Variants in PPARGC1B observed in about 807,000 individuals in gnomAD.
PPARGC1B encodes the protein PPARG coactivator 1 beta, also known as peroxisome proliferator-activated receptor gamma coactivator 1-beta.
In PPARGC1B, 34 loss-of-function variants were observed where a neutral mutation model predicts 101.6. The ratio of observed to expected loss-of-function variants is 0.33; its 90% CI spans 0.25 to 0.45. The LOEUF (loss-of-function observed/expected upper bound fraction) is 0.45, where lower values mean the gene tolerates loss of function less well. Among genes scored for constraint, PPARGC1B ranks in the 20% least tolerant of loss-of-function variants. PPARGC1B has a pLI of 1.00. For missense variants in PPARGC1B, 1,234 were observed against 1,317.6 expected (o/e 0.94, Z 0.98); for synonymous variants, 548 against 539.3 (o/e 1.02, Z -0.22).
rs139222786 is a variant in PPARGC1B, at chr5:149,832,410, G to C, written c.583-246G>C. ...GGGGCTTTGTCAGTGAATCTGGAAG[G>C]GTCTGCAGGGGCGAAATTCCATGGC... On this transcript the variant is annotated intron_variant, in intron 4 of 11. Coordinates refer to ENST00000309241, the MANE Select transcript of PPARGC1B (RefSeq NM_133263.4). The surrounding 1 kb of genome is among the most constrained non-coding windows in gnomAD (Gnocchi z 4.9). 1.4e-3 allele frequency among the ~76,000 whole-genome samples: 217 copies of C among 152,262 alleles called. No individual in the cohort carries two copies. The highest frequency in any genetic ancestry group is 5.1e-3 in the African/African-American group (213 of 41,546).
chr5:149,731,225 C>G (rs1754452498), intron 1 of PPARGC1B, among the ~76,000 whole-genome samples: 1 of 152,150 alleles, frequency 6.6e-6, no homozygotes, highest in Non-Finnish European at 1.5e-5. Context: ...GGAGAGGGTG[C>G]TCTGGTGTGC....
chr5:149,822,628 C>T (rs557485468), intron 2 of PPARGC1B, among the ~76,000 whole-genome samples: 16 of 152,360 alleles, frequency 1.1e-4, no homozygotes, highest in African/African-American at 2.4e-4. Flanking sequence ...ATGAATCCTT[C>T]GACACGCAGC....
intron 1 of PPARGC1B, among the ~76,000 whole-genome samples, chr5:149,799,869 T>C (rs1561554338): frequency 2.0e-5 from 3 of 151,830 alleles, no homozygotes; most frequent in Non-Finnish European, 2.9e-5. Context: ...GGCTAATTTT[T>C]GCATTTTTTA....
chr5:149,840,058 C>A lies in PPARGC1B; in HGVS notation c.2636C>A (p.Pro879Gln), dbSNP rs762919724. Residue 879 changes from proline (P) to glutamine (Q), a missense_variant, in exon 9 of 12, where the codon CCG becomes CAG. This residue lies in a region of PPARGC1B where 497 missense variants were observed against 529.5 expected (regional missense o/e 0.94). Coordinates refer to ENST00000309241, the MANE Select transcript of PPARGC1B (RefSeq NM_133263.4). Reference sequence around the variant, plus strand: ...ACTGACAGATGTGAGAGCAGAGGGCCGTGTTCAGACAGAACGCCAAGCATC... The same window carrying A: ...ACTGACAGATGTGAGAGCAGAGGGCAGTGTTCAGACAGAACGCCAAGCATC... The part of the protein sequence containing the change: ...RRNFRCESRG[P>Q]CSDRTPSIRH... 7.4e-6 allele frequency: 12 copies of A among 1,614,060 alleles called. No homozygotes were observed. The highest frequency in any genetic ancestry group is 1.0e-5 in the Non-Finnish European group (12 of 1,179,994).
At chr5:149,768,444 T>G (rs931873777) in intron 1 of PPARGC1B, among the ~76,000 whole-genome samples, 2 of 139,620 alleles carry the variant, frequency 1.4e-5, no homozygotes, top group African/African-American at 6.1e-5. Context: ...CTGGCTAATT[T>G]TTTTTTTTTT....
rs866700989 is a variant in PPARGC1B at position 149,833,478 on chromosome 5, C to T, written c.1405C>T (p.Leu469=). 1.3e-6 allele frequency: 2 copies of T among 1,566,224 alleles called. No individual in the cohort carries two copies. The highest frequency in any genetic ancestry group is 4.8e-5 in the East Asian group (2 of 41,836). ...GLPWTKLGRK[L]ESSVCPVRRS... ...GCCATGGACGAAGCTGGGGAGGAAG[C>T]TGGAGAGCTCTGTGTGCCCCGTGCG... The change falls in exon 5 of 12, where the codon CTG becomes TTG. Residue 469 remains leucine, a synonymous_variant. Transcript: ENST00000309241. The surrounding 1 kb of genome is among the most constrained non-coding windows in gnomAD (Gnocchi z 4.1).
chr5:149,840,818 A>G (rs1314150205), intron 9 of PPARGC1B, among the ~76,000 whole-genome samples: 9 of 152,140 alleles, frequency 5.9e-5, no homozygotes, highest in Admixed American at 2.0e-4. Context: ...CAAAAAGACA[A>G]ACAGACTCCT....
intron 1 of PPARGC1B, among the ~76,000 whole-genome samples, chr5:149,780,334 G>A (rs1355174737): frequency 6.6e-6 from 1 of 152,216 alleles, no homozygotes; most frequent in Non-Finnish European, 1.5e-5. Context: ...TCCTGACCTT[G>A]AATTGGGTGC....
chr5:149,742,992 A>AT (rs1754963476), intron 1 of PPARGC1B, among the ~76,000 whole-genome samples: 1 of 152,020 alleles, frequency 6.6e-6, no homozygotes, highest in Non-Finnish European at 1.5e-5. Flanking sequence ...TGGTGCCCTC[A>AT]TAGCCAAGAT....
intron 1 of PPARGC1B, among the ~76,000 whole-genome samples, chr5:149,736,525 C>T (rs1401484660): frequency 6.6e-6 from 1 of 152,202 alleles, no homozygotes; most frequent in African/African-American, 2.4e-5. Context: ...TGACACTCAG[C>T]TGATGCAGAA....
At chr5:149,765,776 G>C (rs1755886647) in intron 1 of PPARGC1B, among the ~76,000 whole-genome samples, 1 of 151,466 alleles carries the variant, frequency 6.6e-6, no homozygotes, top group Admixed American at 6.6e-5. Flanking sequence ...CAGGAGAATG[G>C]CGTGAACCCG....
chr5:149,830,662 G>T, intron 3 of PPARGC1B, 105 bp from the exon 4 acceptor site: 1 of 777,538 alleles, frequency 1.3e-6, no homozygotes. Flanking sequence ...TGTTCTCCCT[G>T]TGGTCCTGTG....
intron 2 of PPARGC1B, among the ~76,000 whole-genome samples, chr5:149,824,880 A>G (rs1489233468): frequency 6.6e-6 from 1 of 152,176 alleles, no homozygotes; most frequent in East Asian, 1.9e-4. Context: ...AAAATTACAA[A>G]CGCGTTTGTT....
intron 2 of PPARGC1B, among the ~76,000 whole-genome samples, chr5:149,822,304 T>A (rs960512780): frequency 7.9e-5 from 12 of 152,112 alleles, no homozygotes; most frequent in Middle Eastern, 3.2e-3. Context: ...TACTAATGCT[T>A]TCAGGCACAA....
At chr5:149,841,565 AAC>A (rs1759336732) in intron 9 of PPARGC1B, among the ~76,000 whole-genome samples, 3 of 152,270 alleles carry the variant, frequency 2.0e-5, no homozygotes, top group African/African-American at 7.2e-5. Flanking sequence ...TTCCTATGGG[AAC>A]ACAGATTTCC....
At chr5:149,790,240 G>A (rs1756966673) in intron 1 of PPARGC1B, among the ~76,000 whole-genome samples, 1 of 152,138 alleles carries the variant, frequency 6.6e-6, no homozygotes, top group African/African-American at 2.4e-5. Context: ...CAGAATGATA[G>A]GCACAGGCTG....
chr5:149,766,933 A>C (rs1158503167), intron 1 of PPARGC1B, among the ~76,000 whole-genome samples: 1 of 152,176 alleles, frequency 6.6e-6, no homozygotes, highest in African/African-American at 2.4e-5. Flanking sequence ...GGGTGGTAGC[A>C]GGGCTATGAG....
intron 3 of PPARGC1B, among the ~76,000 whole-genome samples, chr5:149,827,560 T>C (rs1223177319): frequency 1.3e-5 from 2 of 152,242 alleles, no homozygotes; most frequent in African/African-American, 4.8e-5. Flanking sequence ...ACTGTTCTTA[T>C]ACAGGCCTTT....
intron 1 of PPARGC1B, among the ~76,000 whole-genome samples, chr5:149,744,123 A>G (rs1027637766): frequency 2.6e-5 from 4 of 152,224 alleles, no homozygotes; most frequent in Admixed American, 6.5e-5. Flanking sequence ...CTTGGGGACC[A>G]GTGACCACAG....
Sources: gnomAD v4.1 joint callset for allele counts (sites outside exome capture counted in the v4.1 genomes callset) on GRCh38, gnomAD v4.1.1 for gene constraint, gnomAD v4.1.1 regional missense constraint, Gnocchi (gnomAD v3.1) non-coding constraint, MANE v1.5 for transcripts, NCBI Gene and HGNC (gene_info 2026-07-23, HGNC 2026-07-21) for gene names.